The following KLHL1 variants were observed in gnomAD, a reference collection of about 807,000 sequenced individuals.
KLHL1 encodes the protein kelch-like protein 1.
Under a neutral mutation model 77.7 loss-of-function variants are expected in KLHL1, and 47 were observed. The observed-to-expected ratio is 0.60, with a 90% CI of 0.48 to 0.77. The LOEUF (loss-of-function observed/expected upper bound fraction) is 0.77. Among genes scored for constraint, KLHL1 ranks in the 30% least tolerant of loss-of-function variants. The pLI is 0.00. For missense variants in KLHL1, 925 were observed against 910.8 expected (o/e 1.02, Z -0.20); for synonymous variants, 360 against 325.2 (o/e 1.11, Z -1.15).
In KLHL1 at chr13:70,086,592, AAGAAAG is replaced by A. The variant is rs1379566416; in HGVS notation, c.497+20605_497+20610del. 6.8e-3 allele frequency among the ~76,000 whole-genome samples: 249 copies of A among 36,498 alleles called. 4 individuals carry two copies. Among genetic ancestry groups the A allele is most frequent in the African/African-American group, 0.018 (191 of 10,696 alleles). 23.9% of individuals were successfully genotyped at this position (36,498 alleles called of 152,430 possible). A position where few individuals can be genotyped will look rare whatever the true frequency, so the allele number is the denominator to read the frequency against. ...TGTCTCAAAAAAAAAAAAAAAAAAAAAGAAAGAAAGAAAGAAAGAAAGAAAGAAAGA... is the reference window on the plus strand; with the variant it reads ...TGTCTCAAAAAAAAAAAAAAAAAAAAAAAGAAAGAAAGAAAGAAAGAAAGA... On this transcript the variant is annotated intron_variant, in intron 1 of 10. Transcript: ENST00000377844.
chr13:70,052,873 T>C (rs903702987), intron 1 of KLHL1, among the ~76,000 whole-genome samples: 6 of 152,060 alleles, frequency 3.9e-5, no homozygotes, highest in Non-Finnish European at 7.4e-5. Flanking sequence ...TATTATCTTC[T>C]AAATAATTTA....
At chr13:69,713,958 C>A (rs1007595981) in intron 9 of KLHL1, among the ~76,000 whole-genome samples, 1 of 151,990 alleles carries the variant, frequency 6.6e-6, no homozygotes, top group Admixed American at 6.6e-5. Flanking sequence ...AAAAAAATCT[C>A]CTCAATATAT....
intron 1 of KLHL1, among the ~76,000 whole-genome samples, chr13:69,996,246 T>C (rs867759511): frequency 2.6e-4 from 40 of 152,074 alleles, no homozygotes; most frequent in African/African-American, 9.4e-4. Flanking sequence ...GAGGTTGCAG[T>C]GAGCCAAGAT....
chr13:69,716,155 A>C (rs1285066410), intron 9 of KLHL1, among the ~76,000 whole-genome samples: 2 of 152,122 alleles, frequency 1.3e-5, no homozygotes, highest in Non-Finnish European at 2.9e-5. Flanking sequence ...CGCTCTTACC[A>C]ATCTATCTAT....
chr13:69,747,840 T>C (rs1161062840), intron 7 of KLHL1, among the ~76,000 whole-genome samples: 1 of 151,922 alleles, frequency 6.6e-6, no homozygotes, highest in African/African-American at 2.4e-5. Flanking sequence ...CTATTCTTAG[T>C]GAAAATATTG....
chr13:69,774,671 A>C (rs1003897092), intron 7 of KLHL1, among the ~76,000 whole-genome samples: 12 of 142,000 alleles, frequency 8.5e-5, no homozygotes, highest in Admixed American at 3.4e-4. Flanking sequence ...AATAAAAAAA[A>C]ACACACACAC....
intron 7 of KLHL1, among the ~76,000 whole-genome samples, chr13:69,794,191 C>T (rs1462039993): frequency 6.6e-6 from 1 of 152,004 alleles, no homozygotes; most frequent in African/African-American, 2.4e-5. Flanking sequence ...TAGATGCAAC[C>T]CCTGAGGTCT....
chr13:69,751,040 T>G (rs1874454547), intron 7 of KLHL1, among the ~76,000 whole-genome samples: 1 of 151,860 alleles, frequency 6.6e-6, no homozygotes, highest in African/African-American at 2.4e-5. Flanking sequence ...CTAGTATCAT[T>G]GCAGAATGTC....
At chr13:69,943,006 G>C (rs1162869151) in intron 3 of KLHL1, among the ~76,000 whole-genome samples, 1 of 151,930 alleles carries the variant, frequency 6.6e-6, no homozygotes, top group Non-Finnish European at 1.5e-5. Flanking sequence ...ATTTATGTTG[G>C]TGAAGAATCC....
intron 1 of KLHL1, among the ~76,000 whole-genome samples, chr13:70,101,462 C>G (rs533582959): frequency 6.6e-6 from 1 of 152,074 alleles, no homozygotes; most frequent in African/African-American, 2.4e-5. Flanking sequence ...AAGTCTCGCT[C>G]TTGTCCCCCA....
chr13:69,792,643 C>T (rs1302768012), intron 7 of KLHL1, among the ~76,000 whole-genome samples: 4 of 152,066 alleles, frequency 2.6e-5, no homozygotes, highest in African/African-American at 9.7e-5. Context: ...AACAAATGTC[C>T]TTCTATTGAT....
chr13:69,989,555 T>C (rs1290973221), intron 1 of KLHL1, among the ~76,000 whole-genome samples: 1 of 152,038 alleles, frequency 6.6e-6, no homozygotes, highest in Non-Finnish European at 1.5e-5. Context: ...TTGGGCAGTA[T>C]GGCCTTTTTA....
chr13:69,837,620 ATATGTGTGTG>A lies in KLHL1; in HGVS notation c.1414+1346_1414+1355del, dbSNP rs1382622863. 2.2e-4 allele frequency among the ~76,000 whole-genome samples: 30 copies of A among 139,302 alleles called. 2 individuals are homozygous for A. The highest frequency in any genetic ancestry group is 6.8e-4 in the African/African-American group (24 of 35,440). 91.4% of individuals were successfully genotyped at this position (139,302 alleles called of 152,430 possible). A position where few individuals can be genotyped will look rare whatever the true frequency, so the allele number is the denominator to read the frequency against. ...TACACATACATCTCTCTCTCTATAT[ATATGTGTGTG>A]TATATATATATATGTGTATATATAT... is the stretch of plus-strand genomic sequence containing the variant. On this transcript the variant is annotated intron_variant, in intron 6 of 10. Transcript: ENST00000377844.
intron 3 of KLHL1, among the ~76,000 whole-genome samples, chr13:69,950,383 G>A (rs1182726723): frequency 6.6e-6 from 1 of 151,472 alleles, no homozygotes; most frequent in Non-Finnish European, 1.5e-5. Flanking sequence ...GACTCACATC[G>A]ATGCACAGGT....
At chr13:70,092,855 G>A (rs1241090840) in intron 1 of KLHL1, among the ~76,000 whole-genome samples, 1 of 152,072 alleles carries the variant, frequency 6.6e-6, no homozygotes, top group African/African-American at 2.4e-5. Context: ...CGCTTTCAGT[G>A]CTTGATGATC....
intron 2 of KLHL1, among the ~76,000 whole-genome samples, chr13:69,972,911 G>T (rs1207055832): frequency 6.6e-6 from 1 of 151,762 alleles, no homozygotes; most frequent in Non-Finnish European, 1.5e-5. Flanking sequence ...CAGATTAAAG[G>T]TAGCCTACCT....
At chr13:70,076,859 T>C (rs1887279610) in intron 1 of KLHL1, among the ~76,000 whole-genome samples, 1 of 151,980 alleles carries the variant, frequency 6.6e-6, no homozygotes, top group Non-Finnish European at 1.5e-5. Flanking sequence ...AAGTAGGGTA[T>C]ACACATAGGA....
At chr13:69,876,597 T>C (rs1880771614) in intron 5 of KLHL1, among the ~76,000 whole-genome samples, 1 of 152,234 alleles carries the variant, frequency 6.6e-6, no homozygotes, top group African/African-American at 2.4e-5. Context: ...TGCAAGCTTT[T>C]TTCTTCTACC....
chr13:70,043,121 TCTCGAACTCCCGAC>T (rs1411345943), intron 1 of KLHL1, among the ~76,000 whole-genome samples: 3 of 152,128 alleles, frequency 2.0e-5, no homozygotes, highest in African/African-American at 7.2e-5. Context: ...GCCAGGCTGA[TCTCGAACTCCCGAC>T]CTCTGGTGAT....
Sources: allele counts gnomAD v4.1 joint callset (sites outside exome capture counted in the v4.1 genomes callset), GRCh38; gene constraint gnomAD v4.1.1; transcripts MANE v1.5; gene names NCBI Gene and HGNC (gene_info 2026-07-23, HGNC 2026-07-21).